The following NCKAP5 variants were observed in gnomAD, a reference collection of about 807,000 sequenced individuals.
The protein encoded by NCKAP5 is NCK associated protein 5, also known as nck-associated protein 5.
Under a neutral mutation model 167.0 loss-of-function variants are expected in NCKAP5, and 92 were observed. The observed-to-expected ratio is 0.55, with a 90% confidence interval of 0.47 to 0.66. The LOEUF is 0.66. Ranked by LOEUF, NCKAP5 falls within the 30% of genes least tolerant of loss-of-function variation. The pLI is 0.00. For synonymous variants in NCKAP5, 891 were observed against 877.4 expected, an observed-to-expected ratio of 1.02 and a Z score of -0.27; for missense variants, 2,378 against 2,315.0, an observed-to-expected ratio of 1.03 and a Z score of -0.56.
At chr2:133,103,432 G>A (rs2081582472) in intron 6 of NCKAP5, among the ~76,000 whole-genome samples, 1 of 152,174 alleles carries the variant, frequency 6.6e-6, no homozygotes, top group African/African-American at 2.4e-5. Flanking sequence ...TCCAACCCCT[G>A]AGAATTAAAA....
At chr2:133,483,022 T>C (rs1007030700) in intron 3 of NCKAP5, among the ~76,000 whole-genome samples, 2 of 152,228 alleles carry the variant, frequency 1.3e-5, no homozygotes, top group Non-Finnish European at 2.9e-5. Flanking sequence ...CCATTGCCAC[T>C]TTAATTAAAT....
chr2:132,910,585 C>G (rs1694366578), intron 8 of NCKAP5, among the ~76,000 whole-genome samples: 1 of 152,174 alleles, frequency 6.6e-6, no homozygotes, highest in Non-Finnish European at 1.5e-5. Context: ...CATGCCTTTG[C>G]AAATGACTGG....
chr2:133,517,676 G>A (rs551978019), intron 2 of NCKAP5, 89 bp from the exon 3 acceptor site: 2 of 432,252 alleles, frequency 4.6e-6, no homozygotes, highest in South Asian at 1.7e-4. Context: ...AAGCATTGAA[G>A]TCAAAAAATA....
Position 132,785,324 on chromosome 2 carries a change from C to A in NCKAP5, c.1487G>T (p.Cys496Phe), listed in dbSNP as rs772395233. ...ALLQAVPNQSCRPHGSKLTHS... is the reference protein window; with the variant it reads ...ALLQAVPNQSFRPHGSKLTHS... ...GGTTAATTTACTGCCATGTGGCCTG[C>A]AGCTCTGGTTTGGAACTGCTTGGAG... is the stretch of plus-strand genomic sequence containing the variant. Residue 496 changes from cysteine (C) to phenylalanine (F), a missense_variant, in exon 14 of 20, where the codon TGC (cysteine) becomes TTC (phenylalanine). Coordinates refer to ENST00000409261, the MANE Select transcript of NCKAP5 (RefSeq NM_207363.3). The A allele has an allele frequency of 6.8e-6, 11 of 1,612,524 alleles. No homozygotes were observed. The highest frequency in any genetic ancestry group is 2.2e-5 in the South Asian group (2 of 90,762).
At chr2:133,545,418 T>C (rs1282362776) in intron 2 of NCKAP5, among the ~76,000 whole-genome samples, 1 of 152,136 alleles carries the variant, frequency 6.6e-6, no homozygotes, top group Non-Finnish European at 1.5e-5. Context: ...AGGAAGCTGC[T>C]GTCCAAGGCA....
chr2:133,194,249 G>A (rs1252346015), intron 5 of NCKAP5, among the ~76,000 whole-genome samples: 2 of 151,894 alleles, frequency 1.3e-5, no homozygotes, highest in African/African-American at 4.8e-5. Context: ...ACTCACTTAG[G>A]CTGGTGTATT....
intron 8 of NCKAP5, among the ~76,000 whole-genome samples, chr2:132,916,382 T>C (rs1410367040): frequency 6.6e-6 from 1 of 151,958 alleles, no homozygotes; most frequent in East Asian, 1.9e-4. Context: ...TACAAACGGA[T>C]CATTATGTAA....
intron 6 of NCKAP5, among the ~76,000 whole-genome samples, chr2:133,026,788 A>G (rs1254398161): frequency 2.0e-5 from 3 of 152,146 alleles, no homozygotes; most frequent in Non-Finnish European, 4.4e-5. Flanking sequence ...TAATCTTTCT[A>G]TAGACAAAGT....
chr2:133,338,016 T>C (rs886497413), intron 3 of NCKAP5, among the ~76,000 whole-genome samples: 2 of 152,198 alleles, frequency 1.3e-5, no homozygotes, highest in Non-Finnish European at 2.9e-5. Context: ...AACATTTGAA[T>C]CAAACATTCA....
intron 19 of NCKAP5, among the ~76,000 whole-genome samples, chr2:132,701,318 C>G (rs1184725458): frequency 6.6e-6 from 1 of 152,086 alleles, no homozygotes; most frequent in Non-Finnish European, 1.5e-5. Context: ...GCCCATTACA[C>G]ACAAAGTTTT....
the NCKAP5 span, among the ~76,000 whole-genome samples, chr2:133,606,902 C>A: frequency 1.0e-3 from 159 of 152,224 alleles, no homozygotes; most frequent in Middle Eastern, 3.4e-3. Context: ...ATAAGGAGAA[C>A]TAAATAGAAG....
At chr2:133,591,496 A>G in the NCKAP5 span, among the ~76,000 whole-genome samples, 1 of 152,204 alleles carries the variant, frequency 6.6e-6, no homozygotes, top group Non-Finnish European at 1.5e-5. Flanking sequence ...GGGTCTAGGT[A>G]TTTGTCAGAG....
chr2:133,431,586 C>G (rs1394668949), intron 3 of NCKAP5: 1 of 152,136 alleles, frequency 6.6e-6, no homozygotes, highest in African/African-American at 2.4e-5. Flanking sequence ...GAATATGTAG[C>G]TTTACGATGC....
chr2:132,813,762 G>A (rs1686061525), intron 11 of NCKAP5, among the ~76,000 whole-genome samples: 1 of 152,164 alleles, frequency 6.6e-6, no homozygotes, highest in South Asian at 2.1e-4. Context: ...AAAATGCAAT[G>A]TCAGTGTTTT....
At chr2:133,005,393 C>T (rs1047813229) in intron 6 of NCKAP5, among the ~76,000 whole-genome samples, 79 of 152,226 alleles carry the variant, frequency 5.2e-4, no homozygotes, top group African/African-American at 1.4e-3. Flanking sequence ...TCCCTGATCC[C>T]GCAACAATTA....
At chr2:133,587,244 C>T in the NCKAP5 span, among the ~76,000 whole-genome samples, 7 of 152,292 alleles carry the variant, frequency 4.6e-5, no homozygotes, top group South Asian at 1.2e-3. Context: ...CCACCAAGAT[C>T]GTTCCTCAGT....
intron 6 of NCKAP5, among the ~76,000 whole-genome samples, chr2:133,018,300 C>T (rs1173041393): frequency 6.6e-6 from 1 of 152,246 alleles, no homozygotes; most frequent in African/African-American, 2.4e-5. Context: ...GGGCACACTG[C>T]CTTGTTTTTC....
chr2:133,364,259 T>C (rs1685308895), intron 3 of NCKAP5, among the ~76,000 whole-genome samples: 1 of 152,200 alleles, frequency 6.6e-6, no homozygotes, highest in Non-Finnish European at 1.5e-5. Context: ...TGGATTTGCA[T>C]TGACATGACT....
chr2:133,134,216 C>T (rs569112097), intron 5 of NCKAP5, among the ~76,000 whole-genome samples: 79 of 152,336 alleles, frequency 5.2e-4, no homozygotes, highest in Non-Finnish European at 1.1e-3. Flanking sequence ...TTTCAGACAG[C>T]GTTCCTTCCA....
Sources: allele counts gnomAD v4.1 joint callset (sites outside exome capture counted in the v4.1 genomes callset), GRCh38; gene constraint gnomAD v4.1.1; transcripts MANE v1.5; gene names NCBI Gene and HGNC (gene_info 2026-07-23, HGNC 2026-07-21).